The following ITGB4 variants were observed in gnomAD, a reference collection of about 807,000 sequenced individuals.
ITGB4 encodes integrin subunit beta 4.
A neutral mutation model predicts 207.6 loss-of-function variants in ITGB4; 159 were observed. That is an observed-to-expected ratio of 0.77 (90% CI 0.67 to 0.87). The LOEUF (loss-of-function observed/expected upper bound fraction) is 0.87. Among genes scored for constraint, ITGB4 ranks in the 40% least tolerant of loss-of-function variants. ITGB4 has a pLI of 0.00. For synonymous variants in ITGB4, 1,020 were observed against 1,062.7 expected (o/e 0.96, Z 0.78); for missense variants, 2,278 against 2,546.8 (o/e 0.89, Z 2.27).
At position 75,743,980 on chromosome 17, in the gene ITGB4, C is replaced by T. The variant is rs2143186959; in HGVS notation, c.3111+119C>T. The stretch of plus-strand genomic sequence containing the variant: ...TGAGTCCCTGGATACTGGCCGTGCC[C>T]CTGGCTGGCCTCCCAAGGACACGTC... On this transcript the variant is annotated intron_variant, in intron 26 of 39. Transcript: ENST00000200181. 4 of 1,161,178 alleles carry T rather than the reference C, an allele frequency of 3.4e-6. No homozygotes were observed. The South Asian group carries it at 5.9e-5, about 17-fold the overall frequency. 71.9% of individuals were successfully genotyped at this position (1,161,178 alleles called of 1,614,324 possible).
Position 75,727,959 on chromosome 17 carries a change from C to A in ITGB4, c.469+104C>A. ...ACAGCTGCACCCACCCAGAAGGAAA[C>A]ACTGGACATTTGAGCCCCCAAAAAC... On this transcript the variant is annotated intron_variant, in intron 5 of 39. Coordinates refer to ENST00000200181, the MANE Select transcript of ITGB4 (RefSeq NM_000213.5). The surrounding 1 kb of genome is among the most constrained non-coding windows in gnomAD (Gnocchi z 6.0). 1 of 1,056,222 alleles carries A rather than the reference C, an allele frequency of 9.5e-7. No individual in the cohort carries two copies. Among genetic ancestry groups the A allele is most frequent in the Non-Finnish European group, 1.4e-6 (1 of 703,894 alleles). The allele number at this position is 1,056,222 out of a possible 1,614,324, so 65.4% of individuals were successfully genotyped here.
intron 16 of ITGB4, 36 bp from the exon 17 acceptor site, chr17:75,737,286 T>G: frequency 6.3e-7 from 1 of 1,577,080 alleles, no homozygotes; most frequent in Non-Finnish European, 8.6e-7. Context: ...CGGAGGGGTG[T>G]GGCTGGGGTG....
rs946718575 is a variant in ITGB4, at chr17:75,752,077, C to A, written c.3794-97C>A. 12 of 1,316,172 alleles carry A rather than the reference C, an allele frequency of 9.1e-6. No homozygotes were observed. In the East Asian group the frequency reaches 1.6e-4, roughly 18 times the overall value. The allele number at this position is 1,316,172 out of a possible 1,614,324, so 81.5% of individuals were successfully genotyped here. A position where few individuals can be genotyped will look rare whatever the true frequency, so the allele number is the denominator to read the frequency against. On this transcript the variant is annotated intron_variant, in intron 30 of 39. Coordinates refer to ENST00000200181, the MANE Select transcript of ITGB4 (RefSeq NM_000213.5). ...GCCTTGCTTCCCCAGCCCCTGGGTG[C>A]CATCCAGGGGATGCACGGCCGTCCT... is the stretch of plus-strand genomic sequence containing the variant.
rs2061177792 is a variant in ITGB4, at chr17:75,744,011, GCTC to G, written c.3111+153_3111+155del. 7 of 843,232 alleles carry G rather than the reference GCTC, an allele frequency of 8.3e-6. No individual in the cohort carries two copies. In the African/African-American group the frequency reaches 8.5e-5, roughly 10 times the overall value. 52.2% of individuals were successfully genotyped at this position (843,232 alleles called of 1,614,324 possible). Reference sequence around the variant, plus strand: ...TGGCCTCCCAAGGACACGTCCACCTGCTCCTGCCACCCTGTGGCAGGGGAGTCT... The same window carrying G: ...TGGCCTCCCAAGGACACGTCCACCTGCTGCCACCCTGTGGCAGGGGAGTCT... On this transcript the variant is annotated intron_variant, in intron 26 of 39. Transcript: ENST00000200181.
At position 75,748,949 on chromosome 17, in the gene ITGB4, C is replaced by A; in HGVS notation, c.3220C>A (p.Arg1074Ser). ...LQEVDSLLRG[R>S]QVRRFHVQLS... ...AGAAGTTGACTCCCTCCTGCGGGGC[C>A]GCCAGGTCCGCCGTTTCCACGTCCA... Residue 1074 changes from arginine (R) to serine (S), a missense_variant, in exon 27 of 40, where the codon CGC (arginine) becomes AGC (serine). By Grantham distance (110) the Arg-to-Ser change is moderately radical (BLOSUM62 -1). Coordinates refer to ENST00000200181, the MANE Select transcript of ITGB4 (RefSeq NM_000213.5). 6.2e-7 allele frequency: 1 copy of A among 1,613,358 alleles called. No individual in the cohort carries two copies.
chr17:75,730,334 G>A lies in ITGB4; in HGVS notation c.832G>A (p.Ala278Thr). The A allele has an allele frequency of 1.2e-6, 2 of 1,613,816 alleles. No homozygotes were observed. The highest frequency in any genetic ancestry group is 8.5e-7 in the Non-Finnish European group (1 of 1,180,016). Reference sequence around the variant, plus strand: ...TGAGGCTGATGGCGCCAACGTGCTGGCTGGCATCATGAGCCGCAACGATGA... The same window carrying A: ...TGAGGCTGATGGCGCCAACGTGCTGACTGGCATCATGAGCCGCAACGATGA... Reference protein sequence around the residue: ...HYEADGANVLAGIMSRNDERC... With the variant: ...HYEADGANVLTGIMSRNDERC... Residue 278 changes from alanine (A) to threonine (T), a missense_variant, in exon 8 of 40, where the codon GCT becomes ACT. By Grantham distance (58) the Ala-to-Thr change is moderately conservative. Coordinates refer to ENST00000200181, the MANE Select transcript of ITGB4 (RefSeq NM_000213.5).
chr17:75,743,726 G>A lies in ITGB4; in HGVS notation c.2976G>A (p.Val992=). 3 of 1,613,572 alleles carry A rather than the reference G, an allele frequency of 1.9e-6. No individual in the cohort carries two copies. Among genetic ancestry groups the A allele is most frequent in the Non-Finnish European group, 1.7e-6 (2 of 1,180,020 alleles). ...GGCTCCTTGCAGCCAGAGACGTGGT[G>A]TCCTTTGAGCAGCCTGAGTTCTCGG... ...TIIKEQARDV[V]SFEQPEFSVS... Residue 992 remains valine, a synonymous_variant, in exon 26 of 40, where the codon GTG becomes GTA. Coordinates refer to ENST00000200181, the MANE Select transcript of ITGB4 (RefSeq NM_000213.5).
intron 5 of ITGB4, among the ~76,000 whole-genome samples, 161 bp downstream of exon 5, chr17:75,728,016 G>T (rs976642758): frequency 6.6e-6 from 1 of 152,108 alleles, no homozygotes; most frequent in Admixed American, 6.5e-5. Context: ...AAGAATCTCG[G>T]TCAGACCCTA....
Position 75,733,557 on chromosome 17 carries a change from G to A in ITGB4, c.1522G>A (p.Glu508Lys), listed in dbSNP as rs140352471. The change falls in exon 13 of 40, where the codon GAG (glutamate) becomes AAG (lysine). Residue 508 changes from glutamate to lysine, a missense_variant. Physicochemically the swap from Glu to Lys is moderately conservative, Grantham distance 56. Coordinates refer to ENST00000200181, the MANE Select transcript of ITGB4 (RefSeq NM_000213.5). ...SDIQPCLREG[E>K]DKPCSGRGEC... ...CATTCAGCCCTGCCTGCGGGAGGGCGAGGACAAGCCGTGCTCCGGCCGTGG... is the reference window on the plus strand; with the variant it reads ...CATTCAGCCCTGCCTGCGGGAGGGCAAGGACAAGCCGTGCTCCGGCCGTGG... The A allele has an allele frequency of 4.2e-5, 67 of 1,613,844 alleles. No individual in the cohort carries two copies. The highest frequency in any genetic ancestry group is 5.0e-5 in the Non-Finnish European group (59 of 1,180,026).
rs768598305 is a variant in ITGB4, at chr17:75,750,956, G to T, written c.3656-18G>T. On this transcript the variant is annotated intron_variant, in intron 29 of 39. Transcript: ENST00000200181. The surrounding 1 kb of genome is among the most constrained non-coding windows in gnomAD (Gnocchi z 5.5). ...CTCTGCCACTGACAGCACTCTTCCT[G>T]TATTCCCCGCTCCCTAGTGCCCAGC... is the stretch of plus-strand genomic sequence containing the variant. 1.2e-6 allele frequency: 2 copies of T among 1,613,536 alleles called. No homozygotes were observed. Among genetic ancestry groups the T allele is most frequent in the South Asian group, 1.1e-5 (1 of 91,082 alleles).
At chr17:75,749,595 C>T (rs2061319547) in intron 27 of ITGB4, among the ~76,000 whole-genome samples, 1 of 152,226 alleles carries the variant, frequency 6.6e-6, no homozygotes, top group South Asian at 2.1e-4. Flanking sequence ...TTTTATCTGG[C>T]AACCCTACAG....
Position 75,731,298 on chromosome 17 carries a change from G to C in ITGB4, c.1145G>C (p.Arg382Pro). The C allele has an allele frequency of 6.2e-7, 1 of 1,613,592 alleles. No homozygotes were observed. The highest frequency in any genetic ancestry group is 8.5e-7 in the Non-Finnish European group (1 of 1,180,016). The change falls in exon 10 of 40, where the codon CGG becomes CCG. Residue 382 changes from arginine to proline, a missense_variant. Coordinates refer to ENST00000200181, the MANE Select transcript of ITGB4 (RefSeq NM_000213.5). The surrounding 1 kb of genome is among the most constrained non-coding windows in gnomAD (Gnocchi z 6.8). ...IRALDSPRGL[R>P]TEVTSKMFQK... ...GCCCTAGACAGCCCCCGAGGCCTTCGGACAGAGGTCACCTCCAAGATGTTC... is the reference window on the plus strand; with the variant it reads ...GCCCTAGACAGCCCCCGAGGCCTTCCGACAGAGGTCACCTCCAAGATGTTC...
In ITGB4 at chr17:75,740,945, G is replaced by A. The variant is rs1221003931; in HGVS notation, c.2610-37G>A. On this transcript the variant is annotated intron_variant, in intron 22 of 39. Coordinates refer to ENST00000200181, the MANE Select transcript of ITGB4 (RefSeq NM_000213.5). The surrounding 1 kb of genome is among the most constrained non-coding windows in gnomAD (Gnocchi z 5.9). ...CAGGCCGATCAGGCCTCCACTTCAG[G>A]GCTATCTAGCTCACAGCGCCCTCTT... 1 of 1,613,990 alleles carries A rather than the reference G, an allele frequency of 6.2e-7. No individual in the cohort carries two copies. The highest frequency in any genetic ancestry group is 8.5e-7 in the Non-Finnish European group (1 of 1,180,010).
chr17:75,740,416 T>C lies in ITGB4; in HGVS notation c.2505T>C (p.Pro835=). 1 of 1,613,602 alleles carries C rather than the reference T, an allele frequency of 6.2e-7. No homozygotes were observed. Among genetic ancestry groups the C allele is most frequent in the Non-Finnish European group, 8.5e-7 (1 of 1,179,946 alleles). ...TTTGCACCGAGAACCTGCTGAAGCC[T>C]GACACTCGGGAGTGCGCCCAGCTGC... ...ARLCTENLLK[P]DTRECAQLRQ... The change falls in exon 21 of 40, where the codon CCT becomes CCC. Residue 835 remains proline (P), a synonymous_variant. Coordinates refer to ENST00000200181, the MANE Select transcript of ITGB4 (RefSeq NM_000213.5). This position sits in a 1 kb window ranked among gnomAD's most constrained non-coding sequence, Gnocchi z 5.9.
rs752579307 is a variant in ITGB4 at position 75,742,641 on chromosome 17, C to T, written c.2842C>T (p.Leu948Phe). The stretch of plus-strand genomic sequence containing the variant: ...GGAGCTGGTGGACGTACGGGTGCCC[C>T]TCTTTATCCGGCCTGAGGATGACGA... ...GVELVDVRVP[L>F]FIRPEDDDEK... is the part of the protein sequence containing the mutation. The change falls in exon 25 of 40, where the codon CTC (leucine) becomes TTC (phenylalanine). Residue 948 changes from leucine to phenylalanine, a missense_variant. By Grantham distance (22) the Leu-to-Phe change is conservative. Coordinates refer to ENST00000200181, the MANE Select transcript of ITGB4 (RefSeq NM_000213.5). This position sits in a 1 kb window ranked among gnomAD's most constrained non-coding sequence, Gnocchi z 5.9. 4 of 1,614,054 alleles carry T rather than the reference C, an allele frequency of 2.5e-6. No homozygotes were observed. Among genetic ancestry groups the T allele is most frequent in the Non-Finnish European group, 3.4e-6 (4 of 1,180,026 alleles).
chr17:75,730,250 G>A lies in ITGB4; in HGVS notation c.748G>A (p.Gly250Ser). 2 of 1,612,884 alleles carry A rather than the reference G, an allele frequency of 1.2e-6. No individual in the cohort carries two copies. The highest frequency in any genetic ancestry group is 1.7e-6 in the Non-Finnish European group (2 of 1,179,894). Reference protein sequence around the residue: ...LQTAVCTRDIGWRPDSTHLLV... With the variant: ...LQTAVCTRDISWRPDSTHLLV... ...GCCTTGCCTTCCCCAGAGGGACATTGGCTGGCGCCCGGACAGCACCCACCT... is the reference window on the plus strand; with the variant it reads ...GCCTTGCCTTCCCCAGAGGGACATTAGCTGGCGCCCGGACAGCACCCACCT... Residue 250 changes from glycine (G) to serine (S), a missense_variant, in exon 8 of 40, where the codon GGC becomes AGC. Transcript: ENST00000200181.
intron 16 of ITGB4, 80 bp from the exon 17 acceptor site, chr17:75,737,242 G>A: frequency 1.3e-6 from 2 of 1,533,678 alleles, no homozygotes; most frequent in Non-Finnish European, 8.8e-7. Context: ...TCGCAGAGTA[G>A]GGGCCCCCTC....
At chr17:75,724,833 C>A in intron 2 of ITGB4, 51 bp downstream of exon 2, 3 of 1,475,348 alleles carry the variant, frequency 2.0e-6, no homozygotes, top group Non-Finnish European at 2.8e-6. Context: ...ATCCCTTGGG[C>A]AGGCATTGCC....
In ITGB4 at chr17:75,727,719, G is replaced by A. The variant is rs760570610; in HGVS notation, c.333G>A (p.Arg111=). 14 of 1,613,580 alleles carry A rather than the reference G, an allele frequency of 8.7e-6. No homozygotes were observed. The highest frequency in any genetic ancestry group is 1.2e-5 in the Non-Finnish European group (14 of 1,179,956). Residue 111 remains arginine, a synonymous_variant, in exon 5 of 40, where the codon CGG becomes CGA. Coordinates refer to ENST00000200181, the MANE Select transcript of ITGB4 (RefSeq NM_000213.5). This position sits in a 1 kb window ranked among gnomAD's most constrained non-coding sequence, Gnocchi z 6.0. ...MSPQGLRVRL[R]PGEERHFELE... Reference sequence around the variant, plus strand: ...CCCAAGGCCTGCGGGTCCGTCTGCGGCCCGGTGAGGAGCGGCATTTTGAGC... The same window carrying A: ...CCCAAGGCCTGCGGGTCCGTCTGCGACCCGGTGAGGAGCGGCATTTTGAGC...
Sources: allele counts gnomAD v4.1 joint callset (sites outside exome capture counted in the v4.1 genomes callset), GRCh38; gene constraint gnomAD v4.1.1; non-coding constraint Gnocchi (gnomAD v3.1); transcripts MANE v1.5; gene names NCBI Gene and HGNC (gene_info 2026-07-23, HGNC 2026-07-21).